Variants in ELOVL6 observed in about 807,000 individuals in gnomAD.
ELOVL6 encodes the protein ELOVL fatty acid elongase 6, also known as very long chain fatty acid elongase 6.
ELOVL6 carries 8 observed loss-of-function variants against 31.7 expected under a neutral mutation model. That is an observed-to-expected ratio of 0.25 (90% CI 0.15 to 0.45). ELOVL6 has a LOEUF of 0.45. ELOVL6 is among the 20% of genes least tolerant of loss of function. The probability of loss-of-function intolerance (pLI) is 1.00; values close to 1 mark genes in which losing one functional copy is unlikely to be tolerated. For missense variants in ELOVL6, 126 were observed against 326.4 expected (o/e 0.39, Z 4.73); for synonymous variants, 101 against 117.7 (o/e 0.86, Z 0.92).
intron 2 of ELOVL6, among the ~76,000 whole-genome samples, chr4:110,071,503 G>C (rs899061569): frequency 2.0e-5 from 3 of 152,306 alleles, no homozygotes; most frequent in Admixed American, 6.5e-5. Context: ...AGTGTGAACT[G>C]TGAAGTGTCT....
chr4:110,174,228 A>T (rs372244097), intron 1 of ELOVL6, among the ~76,000 whole-genome samples: 21 of 151,010 alleles, frequency 1.4e-4, no homozygotes, highest in African/African-American at 4.9e-4. Context: ...CAGTGGCGTA[A>T]TCTCGGCTCA....
In ELOVL6 at chr4:110,178,030, G is replaced by A. The variant is rs76398350; in HGVS notation, c.89+20217C>T. ...AGCTACTAGTTTTCTTTGCCCTGTC[G>A]TCTAAAAATGATTAAAAAATAATGT... On this transcript the variant is annotated intron_variant, in intron 1 of 3. Coordinates refer to ENST00000302274, the MANE Select transcript of ELOVL6 (RefSeq NM_024090.3). Among the ~76,000 whole-genome samples, 912 of 152,040 alleles carry A rather than the reference G, an allele frequency of 6.0e-3. 10 individuals carry two copies. Among genetic ancestry groups the A allele is most frequent in the African/African-American group, 0.02 (837 of 41,460 alleles).
chr4:110,090,399 A>T (rs567287449), intron 2 of ELOVL6, among the ~76,000 whole-genome samples: 3 of 152,294 alleles, frequency 2.0e-5, no homozygotes, highest in Non-Finnish European at 4.4e-5. Flanking sequence ...ATTTTTGTCA[A>T]CCATAACCCT....
chr4:110,186,822 A>ATAT (rs1491476869), intron 1 of ELOVL6, among the ~76,000 whole-genome samples: 315 of 59,356 alleles, frequency 5.3e-3, no homozygotes, highest in Middle Eastern at 0.025. Flanking sequence ...AAAAAAAAAA[A>ATAT]ATATATATAT....
intron 1 of ELOVL6, among the ~76,000 whole-genome samples, chr4:110,180,446 C>T (rs769408585): frequency 5.9e-5 from 9 of 152,206 alleles, no homozygotes; most frequent in Non-Finnish European, 1.0e-4. Context: ...TGGAGTAGTA[C>T]AATCATGGTT....
chr4:110,150,610 T>A (rs548951985), intron 1 of ELOVL6, among the ~76,000 whole-genome samples: 9 of 152,148 alleles, frequency 5.9e-5, no homozygotes, highest in Non-Finnish European at 1.3e-4. Context: ...TGCTTAAAAT[T>A]CTAAGAGCAG....
At chr4:110,092,820 C>A (rs72679204) in intron 2 of ELOVL6, among the ~76,000 whole-genome samples, 21,464 of 151,922 alleles carry the variant, frequency 0.14, 1,602 homozygotes, top group African/African-American at 0.18. Context: ...CACACACACA[C>A]GTGCACACAT....
intron 1 of ELOVL6, among the ~76,000 whole-genome samples, chr4:110,122,292 A>G (rs1757378261): frequency 6.6e-6 from 1 of 152,162 alleles, no homozygotes; most frequent in South Asian, 2.1e-4. Flanking sequence ...TTAAATATGA[A>G]TGGCATTAAT....
intron 1 of ELOVL6, among the ~76,000 whole-genome samples, chr4:110,145,924 CCAAAG>C (rs1315547602): frequency 2.0e-5 from 3 of 152,080 alleles, no homozygotes; most frequent in Non-Finnish European, 4.4e-5. Flanking sequence ...ACCATACTGC[CCAAAG>C]CAATCTATAG....
intron 1 of ELOVL6, among the ~76,000 whole-genome samples, chr4:110,131,780 T>A (rs1264038137): frequency 6.6e-6 from 1 of 152,192 alleles, no homozygotes; most frequent in Non-Finnish European, 1.5e-5. Flanking sequence ...TAGACAGTTC[T>A]AGATGCTGGT....
intron 1 of ELOVL6, among the ~76,000 whole-genome samples, chr4:110,117,041 C>A (rs922170034): frequency 4.6e-5 from 7 of 152,234 alleles, no homozygotes; most frequent in Non-Finnish European, 8.8e-5. Context: ...GACCTCTTCT[C>A]TTTTGGCCTC....
chr4:110,188,927 C>T (rs893864906), intron 1 of ELOVL6, among the ~76,000 whole-genome samples: 2 of 151,642 alleles, frequency 1.3e-5, no homozygotes, highest in Middle Eastern at 6.8e-3. Flanking sequence ...TAAAAGGATG[C>T]CTGCAATCAG....
At chr4:110,136,092 G>A (rs1757801946) in intron 1 of ELOVL6, among the ~76,000 whole-genome samples, 1 of 152,184 alleles carries the variant, frequency 6.6e-6, no homozygotes, top group Non-Finnish European at 1.5e-5. Context: ...TTCATAAACT[G>A]AGCTGCACTT....
chr4:110,181,616 C>T (rs1167797251), intron 1 of ELOVL6, among the ~76,000 whole-genome samples: 1 of 151,690 alleles, frequency 6.6e-6, no homozygotes, highest in East Asian at 1.9e-4. Flanking sequence ...ACAGGGTTAA[C>T]TAAGATGTAA....
intron 1 of ELOVL6, among the ~76,000 whole-genome samples, chr4:110,149,950 C>T (rs1329609792): frequency 1.3e-5 from 2 of 152,014 alleles, no homozygotes; most frequent in Non-Finnish European, 2.9e-5. Context: ...ATTTTTCTTC[C>T]CCTTAAAACA....
At chr4:110,134,365 G>A (rs144661529) in intron 1 of ELOVL6, among the ~76,000 whole-genome samples, 1 of 152,154 alleles carries the variant, frequency 6.6e-6, no homozygotes, top group African/African-American at 2.4e-5. Context: ...TTTAAGCATG[G>A]TTTGGGAGGG....
intron 3 of ELOVL6, among the ~76,000 whole-genome samples, chr4:110,055,660 T>G (rs760790727): frequency 3.2e-4 from 49 of 151,940 alleles, no homozygotes; most frequent in Non-Finnish European, 4.7e-4. Context: ...GTGTGGTTTG[T>G]CACATACAGC....
At chr4:110,065,556 C>T (rs763452166) in intron 2 of ELOVL6, among the ~76,000 whole-genome samples, 59 of 152,228 alleles carry the variant, frequency 3.9e-4, no homozygotes, top group Non-Finnish European at 6.0e-4. Flanking sequence ...TGCAGGATGT[C>T]GAGCCTGCAA....
chr4:110,083,971 TAACATATGCC>T (rs1755987599), intron 2 of ELOVL6, among the ~76,000 whole-genome samples: 5 of 108,474 alleles, frequency 4.6e-5, no homozygotes, highest in Non-Finnish European at 1.0e-4. Flanking sequence ...ATATATGATA[TAACATATGCC>T]ATATACGATA....
Sources: gnomAD v4.1 joint callset for allele counts (sites outside exome capture counted in the v4.1 genomes callset) on GRCh38, gnomAD v4.1.1 for gene constraint, MANE v1.5 for transcripts, NCBI Gene and HGNC (gene_info 2026-07-23, HGNC 2026-07-21) for gene names.